Variants in GRIK4 observed in about 807,000 individuals in gnomAD.
GRIK4 encodes glutamate receptor ionotropic, kainate 4.
GRIK4 carries 40 observed loss-of-function variants against 104.9 expected under a neutral mutation model. The ratio of observed to expected loss-of-function variants is 0.38; its 90% CI spans 0.30 to 0.50. The LOEUF (loss-of-function observed/expected upper bound fraction) is 0.50, where lower values mean the gene tolerates loss of function less well. Among genes scored for constraint, GRIK4 ranks in the 20% least tolerant of loss-of-function variants. The probability of loss-of-function intolerance (pLI) is 0.93; values close to 1 mark genes in which losing one functional copy is unlikely to be tolerated. For synonymous variants in GRIK4, 485 were observed against 524.9 expected, an observed-to-expected ratio of 0.92 and a Z score of 1.04; for missense variants, 1,047 against 1,308.1, an observed-to-expected ratio of 0.80 and a Z score of 3.08.
chr11:120,873,926 G>T, intron 9 of GRIK4, 140 bp from the exon 10 acceptor site: 1 of 730,268 alleles, frequency 1.4e-6, no homozygotes. Flanking sequence ...CGTGGGCCAA[G>T]GGTGATGAAG....
intron 13 of GRIK4, among the ~76,000 whole-genome samples, chr11:120,911,516 C>T (rs1011194801): frequency 2.6e-4 from 38 of 143,648 alleles, no homozygotes; most frequent in Admixed American, 1.1e-3. Context: ...GGATTACAGG[C>T]TTGAGCCACC....
rs549077195 is a variant in GRIK4, at chr11:120,962,342, C to T, written c.2041-114C>T. On this transcript the variant is annotated intron_variant, in intron 17 of 20. Coordinates refer to ENST00000527524, the MANE Select transcript of GRIK4 (RefSeq NM_014619.5). ...GGAAAAGGTTCTTGACTGTGATCAG[C>T]GGGTGGAGAAGCAGAAGGGCCGGCA... is the stretch of plus-strand genomic sequence containing the variant. 2.3e-4 allele frequency: 152 copies of T among 655,232 alleles called. 1 individual carries two copies. The highest frequency in any genetic ancestry group is 1.8e-3 in the African/African-American group (102 of 55,384). The allele number at this position is 655,232 out of a possible 1,614,324, so 40.6% of individuals were successfully genotyped here.
intron 7 of GRIK4, among the ~76,000 whole-genome samples, chr11:120,836,313 T>C (rs1012502491): frequency 6.6e-6 from 1 of 152,020 alleles, no homozygotes; most frequent in Non-Finnish European, 1.5e-5. Context: ...TAAAATGGGG[T>C]TGGGGAGGAA....
chr11:120,637,815 T>C (rs1949417801), intron 1 of GRIK4, among the ~76,000 whole-genome samples: 1 of 151,990 alleles, frequency 6.6e-6, no homozygotes, highest in Non-Finnish European at 1.5e-5. Context: ...ACCATACCTC[T>C]CCCACCCTGA....
At chr11:120,820,139 GAGAA>G (rs1442455429) in intron 6 of GRIK4, among the ~76,000 whole-genome samples, 2 of 152,064 alleles carry the variant, frequency 1.3e-5, no homozygotes, top group South Asian at 2.1e-4. Context: ...GAGAAAAAGA[GAGAA>G]AGAGAGAGAG....
intron 19 of GRIK4, 141 bp from the exon 20 acceptor site, chr11:120,981,965 A>G (rs987505266): frequency 3.4e-5 from 23 of 679,094 alleles, no homozygotes; most frequent in Non-Finnish European, 4.8e-5. Flanking sequence ...GGGTGTCTAC[A>G]TGTCAAGTAG....
chr11:120,528,119 A>G (rs1448841579), intron 1 of GRIK4, among the ~76,000 whole-genome samples: 2 of 152,174 alleles, frequency 1.3e-5, no homozygotes, highest in East Asian at 1.9e-4. Context: ...ATGGGCCACA[A>G]TGCTCAGCTA....
At chr11:120,970,238 C>T (rs1002364676) in intron 19 of GRIK4, among the ~76,000 whole-genome samples, 6 of 152,280 alleles carry the variant, frequency 3.9e-5, no homozygotes, top group East Asian at 1.9e-4. Context: ...GAACAGCTGA[C>T]GGAAGGCGTG....
At chr11:120,564,520 G>C (rs893144184) in intron 1 of GRIK4, 5 of 152,230 alleles carry the variant, frequency 3.3e-5, no homozygotes, top group Admixed American at 1.3e-4. Flanking sequence ...GGAGACGGGT[G>C]CCTCCCAGAG....
chr11:120,933,816 AC>A (rs1255485081), intron 13 of GRIK4, among the ~76,000 whole-genome samples: 18 of 152,306 alleles, frequency 1.2e-4, no homozygotes, highest in Admixed American at 9.8e-4. Context: ...GAGCAGAGGC[AC>A]TGGCAGTTCT....
intron 11 of GRIK4, among the ~76,000 whole-genome samples, chr11:120,897,601 C>CAAAAAAAAAAAAAAAAAAA (rs56807699): frequency 0.02 from 267 of 13,048 alleles, 65 homozygotes; most frequent in Middle Eastern, 0.056. Flanking sequence ...GACTCCTTCT[C>CAAAAAAAAAAAAAAAAAAA]AAAAAAAAAA....
intron 1 of GRIK4, among the ~76,000 whole-genome samples, chr11:120,597,652 G>C (rs776909651): frequency 6.6e-6 from 1 of 152,230 alleles, no homozygotes; most frequent in African/African-American, 2.4e-5. Flanking sequence ...GATCCGTGGG[G>C]GTCCTGAGGT....
rs1460869990 is a variant in GRIK4 at position 120,555,544 on chromosome 11, C to G, written c.-159+43657C>G. On this transcript the variant is annotated intron_variant, in intron 1 of 20. Coordinates refer to ENST00000527524, the MANE Select transcript of GRIK4 (RefSeq NM_014619.5). The surrounding 1 kb of genome is among the most constrained non-coding windows in gnomAD (Gnocchi z 5.3). The stretch of plus-strand genomic sequence containing the variant: ...GGGGCTGAGGCTGCCACCAGATGCA[C>G]ACAGCGGTCGTCTTCTCCCTCACGG... Among the ~76,000 whole-genome samples, 2 of 152,336 alleles carry G rather than the reference C, an allele frequency of 1.3e-5. No homozygotes were observed. The highest frequency in any genetic ancestry group is 1.3e-4 in the Admixed American group (2 of 15,302).
intron 1 of GRIK4, among the ~76,000 whole-genome samples, chr11:120,638,830 T>C (rs548963892): frequency 1.3e-5 from 2 of 151,976 alleles, no homozygotes; most frequent in Non-Finnish European, 2.9e-5. Flanking sequence ...TTTTCAGGGA[T>C]TAGAACTATT....
Position 120,660,382 on chromosome 11 carries a change from C to A in GRIK4, c.64C>A (p.Pro22Thr), listed in dbSNP as rs1425423445. 1 of 1,612,818 alleles carries A rather than the reference C, an allele frequency of 6.2e-7. No homozygotes were observed. The highest frequency in any genetic ancestry group is 1.7e-5 in the Admixed American group (1 of 60,030). Residue 22 changes from proline to threonine, a missense_variant, in exon 3 of 21, where the codon CCG (proline) becomes ACG (threonine). Physicochemically the swap from Pro to Thr is conservative, Grantham distance 38 (BLOSUM62 -1). Around this residue, in one of 3 missense-constraint regions of GRIK4, gnomAD observed 447 missense variants for 514.9 expected, o/e 0.87. Transcript: ENST00000527524. Reference sequence around the variant, plus strand: ...GTGGCTCGTGATGGTCGCCTGCAGCCCGCACTCCTTGAGGATCGGTAAGTG... The same window carrying A: ...GTGGCTCGTGATGGTCGCCTGCAGCACGCACTCCTTGAGGATCGGTAAGTG... The part of the protein sequence containing the change: ...PAWLVMVACS[P>T]HSLRIAAILD...
intron 1 of GRIK4, among the ~76,000 whole-genome samples, chr11:120,566,159 G>T (rs1306284426): frequency 2.6e-5 from 4 of 152,170 alleles, no homozygotes; most frequent in Admixed American, 2.6e-4. Flanking sequence ...TTTGACAAAT[G>T]AAAAGGCAAA....
chr11:120,585,786 C>T (rs1014860134), intron 1 of GRIK4, among the ~76,000 whole-genome samples: 1 of 151,378 alleles, frequency 6.6e-6, no homozygotes, highest in Non-Finnish European at 1.5e-5. Flanking sequence ...AAAGTCTATC[C>T]TTCCTCTAGA....
At chr11:120,677,662 T>C (rs1057469514) in intron 3 of GRIK4, among the ~76,000 whole-genome samples, 1 of 152,196 alleles carries the variant, frequency 6.6e-6, no homozygotes, top group Admixed American at 6.5e-5. Context: ...AATAAGGAAG[T>C]ATTAAGTGCT....
intron 3 of GRIK4, among the ~76,000 whole-genome samples, chr11:120,680,280 G>A (rs1416830647): frequency 6.6e-6 from 1 of 152,182 alleles, no homozygotes; most frequent in Non-Finnish European, 1.5e-5. Context: ...GTTTTGCCAT[G>A]TTGGCCAGGC....
Sources: gnomAD v4.1 joint callset for allele counts (sites outside exome capture counted in the v4.1 genomes callset) on GRCh38, gnomAD v4.1.1 for gene constraint, gnomAD v4.1.1 regional missense constraint, Gnocchi (gnomAD v3.1) non-coding constraint, MANE v1.5 for transcripts, NCBI Gene and HGNC (gene_info 2026-07-23, HGNC 2026-07-21) for gene names.